The following NPHP4 variants were observed in gnomAD, a reference collection of about 807,000 sequenced individuals.
NPHP4 encodes nephrocystin 4.
In NPHP4, 151 loss-of-function variants were observed where a neutral mutation model predicts 155.8. That is an observed-to-expected ratio of 0.97 (90% CI 0.85 to 1.11). The LOEUF is 1.11. Among genes scored for constraint, NPHP4 ranks in the 50% least tolerant of loss-of-function variants. The pLI is 0.00. For missense variants in NPHP4, 1,956 were observed against 1,925.7 expected, an observed-to-expected ratio of 1.02 and a Z score of -0.29; for synonymous variants, 845 against 816.8, an observed-to-expected ratio of 1.03 and a Z score of -0.59.
intron 11 of NPHP4, among the ~76,000 whole-genome samples, chr1:5,916,915 G>GA (rs1445232709): frequency 6.6e-6 from 1 of 152,206 alleles, no homozygotes; most frequent in Admixed American, 6.5e-5. Context: ...TCAAACAAAA[G>GA]AAAGAGTCAC....
chr1:5,864,261 G>A (rs1640953955), intron 28 of NPHP4, 77 bp downstream of exon 28: 1 of 1,406,336 alleles, frequency 7.1e-7, no homozygotes, highest in Non-Finnish European at 9.7e-7. Context: ...CCGAGTCACA[G>A]GGCCGAGGTG....
intron 6 of NPHP4, among the ~76,000 whole-genome samples, chr1:5,957,509 C>T (rs186075276): frequency 3.9e-5 from 6 of 152,228 alleles, no homozygotes; most frequent in East Asian, 3.9e-4. Flanking sequence ...AAAACAAGAC[C>T]GCTGCAACAG....
At position 5,867,851 on chromosome 1, in the gene NPHP4, G is replaced by C. The variant is rs748089136; in HGVS notation, c.3361C>G (p.Leu1121Val). Residue 1121 changes from leucine (L) to valine (V), a missense_variant, in exon 24 of 30, where the codon CTG becomes GTG. Transcript: ENST00000378156. The surrounding 1 kb of genome is among the most constrained non-coding windows in gnomAD (Gnocchi z 4.1). ...ACGTGGGGCTGCAGCTCCACAGTCA[G>C]GCAGAGCACGGCGATGGGCTTGCCA... ...SGGKPIAVLC[L>V]TVELQPHVVD... 1.9e-6 allele frequency: 3 copies of C among 1,613,910 alleles called. No homozygotes were observed. The South Asian group carries it at 3.3e-5, about 18-fold the overall frequency.
rs376312842 is a variant in NPHP4, at chr1:5,933,195, C to T, written c.1254G>A (p.Ser418=). 17 of 1,613,482 alleles carry T rather than the reference C, an allele frequency of 1.1e-5. No individual in the cohort carries two copies. The highest frequency in any genetic ancestry group is 4.5e-5 in the East Asian group (2 of 44,896). Residue 418 remains serine, a synonymous_variant, in exon 10 of 30, where the codon TCG becomes TCA. Transcript: ENST00000378156. ...AGGGTACCTTGTAGACCAGACAGTG[C>T]GAGGGGTTGGGCTGGATCCCACCCT... ...PLQGGIQPNP[S]HCLVYKVPSA... is the part of the protein sequence containing the mutation.
intron 9 of NPHP4, among the ~76,000 whole-genome samples, chr1:5,942,737 G>T (rs571510511): frequency 5.8e-4 from 88 of 152,130 alleles, no homozygotes; most frequent in Middle Eastern, 6.8e-3. Context: ...ACAGACCCTG[G>T]AACATGGGCC....
intron 11 of NPHP4, among the ~76,000 whole-genome samples, chr1:5,913,835 C>A (rs1645314014): frequency 6.6e-6 from 1 of 152,218 alleles, no homozygotes; most frequent in African/African-American, 2.4e-5. Flanking sequence ...ATTCCTCCTT[C>A]CTCCACCCCG....
At chr1:5,929,352 A>G (rs1367645012) in intron 10 of NPHP4, among the ~76,000 whole-genome samples, 1 of 152,226 alleles carries the variant, frequency 6.6e-6, no homozygotes, top group Non-Finnish European at 1.5e-5. Context: ...TTGAATGCTA[A>G]CAGTGGACAT....
chr1:5,952,158 C>T (rs757799670), intron 7 of NPHP4, among the ~76,000 whole-genome samples: 2 of 152,146 alleles, frequency 1.3e-5, no homozygotes, highest in Non-Finnish European at 2.9e-5. Flanking sequence ...ACGGGCAGGC[C>T]GAGGGGACAG....
chr1:5,948,185 T>C lies in NPHP4; in HGVS notation c.877A>G (p.Asn293Asp), dbSNP rs1327984771. 1.2e-6 allele frequency: 2 copies of C among 1,612,032 alleles called. No individual in the cohort carries two copies. Among genetic ancestry groups the C allele is most frequent in the South Asian group, 2.2e-5 (2 of 90,858 alleles). The change falls in exon 8 of 30, where the codon AAT becomes GAT. Residue 293 changes from asparagine to aspartate, a missense_variant. Asn to Asp is a conservative substitution (Grantham distance 23). Transcript: ENST00000378156. ...LERRLRVGVH[N>D]GLGFVQRPQV... ...GGCCTCTGCACGAAGCCCAGACCAT[T>C]GTGCACGCCCACACGCAGGCGCCGC...
chr1:5,895,528 A>G (rs1644352536), intron 16 of NPHP4, among the ~76,000 whole-genome samples: 2 of 152,238 alleles, frequency 1.3e-5, no homozygotes, highest in African/African-American at 2.4e-5. Context: ...ACACAACAAA[A>G]AAACTGCATT....
chr1:5,921,534 G>C (rs557170359), intron 11 of NPHP4, among the ~76,000 whole-genome samples: 1 of 152,104 alleles, frequency 6.6e-6, no homozygotes, highest in Non-Finnish European at 1.5e-5. Flanking sequence ...GGAATAAAAC[G>C]GTTTGTCATT....
At chr1:5,924,341 A>G (rs1645890927) in intron 11 of NPHP4, among the ~76,000 whole-genome samples, 1 of 152,130 alleles carries the variant, frequency 6.6e-6, no homozygotes. Flanking sequence ...AATGACCACA[A>G]TTTTTCCAAA....
rs1384846275 is a variant in NPHP4 at position 5,969,256 on chromosome 1, A to C, written c.283T>G (p.Leu95Val). The C allele has an allele frequency of 4.5e-6, 7 of 1,551,366 alleles. No individual in the cohort carries two copies. The highest frequency in any genetic ancestry group is 1.2e-5 in the South Asian group (1 of 83,664). ...TGGTTTAGGGATGTGTGAAAATACA[A>C]GGGCTGCAGAACAGAAGCCAGAGGA... ...PPSRIVFNEP[L>V]YFHTSLNHPH... The change falls in exon 4 of 30, where the codon TTG (leucine) becomes GTG (valine). Residue 95 changes from leucine to valine, a missense_variant. By Grantham distance (32) the Leu-to-Val change is conservative (BLOSUM62 1). Transcript: ENST00000378156.
intron 11 of NPHP4, among the ~76,000 whole-genome samples, chr1:5,913,022 G>A (rs961896732): frequency 3.9e-5 from 6 of 152,060 alleles, no homozygotes; most frequent in East Asian, 1.9e-4. Context: ...ATGGTGGCAC[G>A]CGCCTGTAAT....
At chr1:5,906,861 G>A (rs1303723965) in intron 13 of NPHP4, among the ~76,000 whole-genome samples, 1 of 152,184 alleles carries the variant, frequency 6.6e-6, no homozygotes, top group Non-Finnish European at 1.5e-5. Context: ...GTTTTCATGG[G>A]TAGAGCACAA....
chr1:5,978,178 G>T, intron 3 of NPHP4, 92 bp downstream of exon 3: 3 of 1,248,386 alleles, frequency 2.4e-6, no homozygotes, highest in Non-Finnish European at 3.4e-6. Flanking sequence ...TGAGGTCTCG[G>T]CAAGGCCCCA....
At chr1:5,871,199 A>G (rs1041097546) in intron 23 of NPHP4, among the ~76,000 whole-genome samples, 1 of 152,190 alleles carries the variant, frequency 6.6e-6, no homozygotes, top group East Asian at 1.9e-4. Context: ...GGGACTCTGC[A>G]CTCTTCCTGT....
At chr1:5,976,179 G>A (rs972565650) in intron 3 of NPHP4, among the ~76,000 whole-genome samples, 2 of 152,138 alleles carry the variant, frequency 1.3e-5, no homozygotes, top group South Asian at 2.1e-4. Flanking sequence ...CAGGGCCGTC[G>A]CTCCCACCCC....
At chr1:5,938,348 C>T (rs181248710) in intron 9 of NPHP4, among the ~76,000 whole-genome samples, 7 of 152,334 alleles carry the variant, frequency 4.6e-5, no homozygotes, top group Non-Finnish European at 7.3e-5. Context: ...GGCGTTGGTG[C>T]CTCTACCTCC....
Sources: allele counts gnomAD v4.1 joint callset (sites outside exome capture counted in the v4.1 genomes callset), GRCh38; gene constraint gnomAD v4.1.1; non-coding constraint Gnocchi (gnomAD v3.1); transcripts MANE v1.5; gene names NCBI Gene and HGNC (gene_info 2026-07-23, HGNC 2026-07-21).